The following ASCC3 variants were observed in gnomAD, a reference collection of about 807,000 sequenced individuals.
The protein encoded by ASCC3 is activating signal cointegrator 1 complex subunit 3, also known as ASC-1 complex subunit P200.
In ASCC3, 158 loss-of-function variants were observed where a neutral mutation model predicts 256.3. The observed-to-expected ratio is 0.62, with a 90% CI of 0.54 to 0.70. ASCC3 has a LOEUF of 0.70. ASCC3 is among the 30% of genes least tolerant of loss of function. ASCC3 has a pLI of 0.00. For missense variants in ASCC3, 2,259 were observed against 2,626.0 expected, an observed-to-expected ratio of 0.86 and a Z score of 3.05; for synonymous variants, 948 against 883.4, an observed-to-expected ratio of 1.07 and a Z score of -1.30.
chr6:100,854,625 T>G (rs930707509), intron 3 of ASCC3, among the ~76,000 whole-genome samples: 2 of 152,212 alleles, frequency 1.3e-5, no homozygotes, highest in South Asian at 4.1e-4. Flanking sequence ...TTATGTACAT[T>G]CGTTACAAAA....
At chr6:100,743,250 T>C (rs1005551385) in intron 10 of ASCC3, among the ~76,000 whole-genome samples, 4 of 152,196 alleles carry the variant, frequency 2.6e-5, no homozygotes, top group African/African-American at 9.7e-5. Context: ...TCATTATCCA[T>C]GGGTTGAGTT....
chr6:100,824,719 T>A (rs937881282), intron 4 of ASCC3, among the ~76,000 whole-genome samples: 7 of 152,186 alleles, frequency 4.6e-5, no homozygotes, highest in Non-Finnish European at 8.8e-5. Flanking sequence ...TGGTACATGA[T>A]AATATCAATA....
At chr6:100,532,406 ATTTTTTTT>A (rs57203625) in intron 37 of ASCC3, among the ~76,000 whole-genome samples, 835 of 48,418 alleles carry the variant, frequency 0.017, 8 homozygotes, top group African/African-American at 0.049. Context: ...ATATATATAT[ATTTTTTTT>A]TTTTTTTTTT....
At chr6:100,590,515 T>C (rs1648243622) in intron 34 of ASCC3, among the ~76,000 whole-genome samples, 1 of 152,096 alleles carries the variant, frequency 6.6e-6, no homozygotes, top group Non-Finnish European at 1.5e-5. Flanking sequence ...ACTACACCCA[T>C]AATCTTGGCA....
intron 16 of ASCC3, among the ~76,000 whole-genome samples, chr6:100,658,849 G>A (rs758801512): frequency 2.0e-5 from 3 of 151,592 alleles, no homozygotes; most frequent in South Asian, 2.1e-4. Context: ...AGTATGTAAA[G>A]TGAAAGAAAG....
At chr6:100,683,254 T>C (rs1351006099) in intron 13 of ASCC3, among the ~76,000 whole-genome samples, 4 of 152,146 alleles carry the variant, frequency 2.6e-5, no homozygotes, top group East Asian at 1.9e-4. Flanking sequence ...ATAATTCAAA[T>C]GCCACATTAT....
intron 10 of ASCC3, among the ~76,000 whole-genome samples, chr6:100,761,948 C>A (rs1781440735): frequency 2.0e-5 from 3 of 152,112 alleles, no homozygotes; most frequent in Admixed American, 2.0e-4. Context: ...AATCAATAGA[C>A]TACATACCAT....
intron 27 of ASCC3, 142 bp from the exon 28 acceptor site, chr6:100,628,129 C>T: frequency 2.2e-6 from 2 of 906,344 alleles, no homozygotes; most frequent in Non-Finnish European, 3.3e-6. Context: ...GCTAGAACTA[C>T]CAAAGGATTC....
chr6:100,717,089 T>C (rs1421075111), intron 12 of ASCC3, among the ~76,000 whole-genome samples: 1 of 151,936 alleles, frequency 6.6e-6, no homozygotes, highest in Non-Finnish European at 1.5e-5. Context: ...TTGTATATCA[T>C]AAACTCTCCC....
intron 37 of ASCC3, among the ~76,000 whole-genome samples, chr6:100,522,596 C>CAGAGAT (rs1774366161): frequency 6.6e-6 from 1 of 151,414 alleles, no homozygotes; most frequent in Non-Finnish European, 1.5e-5. Context: ...GGAGCAGAGA[C>CAGAGAT]AGGGGAAGCA....
At chr6:100,871,792 C>T (rs1773754277) in intron 1 of ASCC3, among the ~76,000 whole-genome samples, 1 of 152,130 alleles carries the variant, frequency 6.6e-6, no homozygotes, top group South Asian at 2.1e-4. Flanking sequence ...CTCCTACCAG[C>T]CTTTCTCAAT....
intron 29 of ASCC3, among the ~76,000 whole-genome samples, chr6:100,626,096 T>C (rs1469599050): frequency 6.6e-6 from 1 of 151,200 alleles, no homozygotes; most frequent in African/African-American, 2.4e-5. Flanking sequence ...TCTTTAAAAA[T>C]AATTAAAGAG....
At chr6:100,775,851 A>G (rs1014105483) in intron 8 of ASCC3, among the ~76,000 whole-genome samples, 2 of 150,880 alleles carry the variant, frequency 1.3e-5, no homozygotes, top group East Asian at 3.9e-4. Flanking sequence ...ACAGCAGTTA[A>G]AAAAAAAATC....
chr6:100,856,507 A>T (rs1772948974), intron 3 of ASCC3: 1 of 752,840 alleles, frequency 1.3e-6, no homozygotes, highest in African/African-American at 1.9e-5. Flanking sequence ...ATAACAAGAA[A>T]ATATACAGTA....
intron 13 of ASCC3, among the ~76,000 whole-genome samples, chr6:100,695,989 T>C (rs1306488278): frequency 6.6e-6 from 1 of 152,158 alleles, no homozygotes; most frequent in Non-Finnish European, 1.5e-5. Context: ...TCAGACTTAT[T>C]TAACAGGTCT....
chr6:100,617,754 T>C (rs971390335), intron 30 of ASCC3, among the ~76,000 whole-genome samples: 1 of 152,238 alleles, frequency 6.6e-6, no homozygotes, highest in Non-Finnish European at 1.5e-5. Flanking sequence ...TACAGTGTTT[T>C]AGGACACTGT....
At chr6:100,689,821 A>G (rs1212592689) in intron 13 of ASCC3, among the ~76,000 whole-genome samples, 1 of 152,150 alleles carries the variant, frequency 6.6e-6, no homozygotes, top group Non-Finnish European at 1.5e-5. Flanking sequence ...TTAATCAGTT[A>G]AAGTTGCTGC....
chr6:100,529,264 A>G (rs1166469488), intron 37 of ASCC3, among the ~76,000 whole-genome samples: 2 of 152,146 alleles, frequency 1.3e-5, no homozygotes, highest in African/African-American at 2.4e-5. Context: ...CCTTCTCCCT[A>G]TGGATCAACA....
At chr6:100,825,661 TG>T (rs1771268587) in intron 4 of ASCC3, among the ~76,000 whole-genome samples, 2 of 152,194 alleles carry the variant, frequency 1.3e-5, no homozygotes, top group Non-Finnish European at 2.9e-5. Context: ...CTTGCTAGGT[TG>T]GGGAAGTTCT....
Sources: allele counts gnomAD v4.1 joint callset (sites outside exome capture counted in the v4.1 genomes callset), GRCh38; gene constraint gnomAD v4.1.1; transcripts MANE v1.5; gene names NCBI Gene and HGNC (gene_info 2026-07-23, HGNC 2026-07-21).